MAP4K3: variants seen among roughly 807,000 people sequenced by gnomAD.
MAP4K3 encodes the protein MAPK/ERK kinase kinase kinase 3.
MAP4K3 carries 94 observed loss-of-function variants against 143.5 expected under a neutral mutation model. That is an observed-to-expected ratio of 0.65 (90% CI 0.55 to 0.78). The LOEUF is 0.78. Ranked by LOEUF, MAP4K3 falls within the 30% of genes least tolerant of loss-of-function variation. The pLI, the probability that MAP4K3 is intolerant of heterozygous loss-of-function variation, is 0.00. For synonymous variants in MAP4K3, 416 were observed against 347.2 expected, an observed-to-expected ratio of 1.20 and a Z score of -2.20; for missense variants, 1,077 against 1,068.1, an observed-to-expected ratio of 1.01 and a Z score of -0.12.
intron 8 of MAP4K3, among the ~76,000 whole-genome samples, chr2:39,326,740 AGGT>A (rs1260178674): frequency 1.3e-5 from 2 of 151,996 alleles, no homozygotes; most frequent in African/African-American, 4.8e-5. Flanking sequence ...GCCTCGTAGG[AGGT>A]GATTGGATCA....
chr2:39,280,336 T>C lies in MAP4K3; in HGVS notation c.1650A>G (p.Lys550=). 6.2e-7 allele frequency: 1 copy of C among 1,604,782 alleles called. No individual in the cohort carries two copies. The highest frequency in any genetic ancestry group is 8.5e-7 in the Non-Finnish European group (1 of 1,174,338). The part of the protein sequence containing the change: ...PKVHMGACFS[K]VFNGCPLKIH... ...TTTTCAAGGGACACCCATTAAAAAC[T>C]TTTGAAAAACATGCACCCATCTAGG... Residue 550 remains lysine, a synonymous_variant, in exon 23 of 34, where the codon AAA becomes AAG. Transcript: ENST00000263881.
chr2:39,275,741 T>C (rs1681222126), intron 24 of MAP4K3, among the ~76,000 whole-genome samples: 2 of 152,232 alleles, frequency 1.3e-5, no homozygotes, highest in Admixed American at 1.3e-4. Context: ...GATTAAAAGA[T>C]TTACAGTATA....
At chr2:39,334,581 G>C (rs1005030024) in intron 6 of MAP4K3, among the ~76,000 whole-genome samples, 1 of 152,166 alleles carries the variant, frequency 6.6e-6, no homozygotes, top group South Asian at 2.1e-4. Context: ...ATTTTAACTT[G>C]ATCTAGTACC....
chr2:39,286,348 T>C (rs1023745400), intron 21 of MAP4K3, among the ~76,000 whole-genome samples: 1 of 152,214 alleles, frequency 6.6e-6, no homozygotes, highest in Non-Finnish European at 1.5e-5. Flanking sequence ...TCCTGCTGTG[T>C]GGCCTGGTTC....
chr2:39,333,610 T>C (rs763090634), intron 6 of MAP4K3, 36 bp from the exon 7 acceptor site: 13 of 1,251,974 alleles, frequency 1.0e-5, no homozygotes, highest in Middle Eastern at 1.9e-4. Context: ...GAGTAGGAAA[T>C]AGATATTTTA....
At chr2:39,337,651 A>G in intron 4 of MAP4K3, 70 bp from the exon 5 acceptor site, 1 of 1,071,514 alleles carries the variant, frequency 9.3e-7, no homozygotes, top group South Asian at 1.4e-5. Flanking sequence ...ATAAAGTTTT[A>G]CAAGTTTAAG....
chr2:39,317,345 G>C (rs961812667), intron 12 of MAP4K3, among the ~76,000 whole-genome samples: 1 of 152,052 alleles, frequency 6.6e-6, no homozygotes, highest in African/African-American at 2.4e-5. Context: ...TCCAGACATA[G>C]ACATAAGCAA....
chr2:39,435,291 C>T (rs996657090), intron 1 of MAP4K3, among the ~76,000 whole-genome samples: 6 of 152,284 alleles, frequency 3.9e-5, no homozygotes, highest in Admixed American at 2.0e-4. Context: ...CACTCCTCTG[C>T]TTAAAAGCCT....
At chr2:39,337,764 T>TG (rs1439008432) in intron 4 of MAP4K3, among the ~76,000 whole-genome samples, 183 bp from the exon 5 acceptor site, 1 of 134,536 alleles carries the variant, frequency 7.4e-6, no homozygotes, top group Non-Finnish European at 1.6e-5. Context: ...TTTTTTTTTT[T>TG]TTTTTTTTTT....
chr2:39,326,243 C>A lies in MAP4K3; in HGVS notation c.565G>T (p.Gly189Trp), dbSNP rs1168972293. 2 of 1,613,778 alleles carry A rather than the reference C, an allele frequency of 1.2e-6. No homozygotes were observed. The highest frequency in any genetic ancestry group is 1.1e-5 in the South Asian group (1 of 91,060). ...APEVAAVERK[G>W]GYNQLCDLWA... ...AGATCACAGAGTTGATTGTAACCCC[C>A]CTTCCTCTCAACAGCTGCAACTTCT... The change falls in exon 9 of 34, where the codon GGG (glycine) becomes TGG (tryptophan). Residue 189 changes from glycine (G) to tryptophan (W), a missense_variant. Physicochemically the swap from Gly to Trp is radical, Grantham distance 184 (BLOSUM62 -2). Around this residue, in one of 2 missense-constraint regions of MAP4K3, gnomAD observed 213 missense variants for 266.8 expected, o/e 0.80. Transcript: ENST00000263881.
chr2:39,408,343 T>C (rs573081948), intron 1 of MAP4K3, among the ~76,000 whole-genome samples: 1 of 151,980 alleles, frequency 6.6e-6, no homozygotes, highest in Admixed American at 6.6e-5. Context: ...GCACAATATC[T>C]CTAATTCAGC....
intron 28 of MAP4K3, among the ~76,000 whole-genome samples, chr2:39,263,649 A>G (rs754978462): frequency 6.6e-6 from 1 of 152,146 alleles, no homozygotes; most frequent in Non-Finnish European, 1.5e-5. Context: ...GCAGGCAAAC[A>G]TTATAGCTCA....
intron 1 of MAP4K3, among the ~76,000 whole-genome samples, chr2:39,384,654 C>T (rs1266172201): frequency 6.6e-6 from 1 of 152,220 alleles, no homozygotes; most frequent in Non-Finnish European, 1.5e-5. Context: ...TAGCCCCATA[C>T]CACATGTGCC....
intron 1 of MAP4K3, among the ~76,000 whole-genome samples, chr2:39,417,331 G>A (rs767064029): frequency 6.1e-4 from 92 of 151,238 alleles, no homozygotes; most frequent in South Asian, 1.0e-3. Flanking sequence ...GCCATTCTCC[G>A]GCCTCAGCCT....
chr2:39,369,933 G>A (rs1666035706), intron 2 of MAP4K3, among the ~76,000 whole-genome samples: 1 of 152,152 alleles, frequency 6.6e-6, no homozygotes, highest in East Asian at 1.9e-4. Context: ...CACACACTCT[G>A]CTCAATGGGT....
rs572198527 is a variant in MAP4K3 at position 39,255,013 on chromosome 2, G to A, written c.2471-493C>T. ...CTTTAAATAAAAACAAATACAGCTG[G>A]CATCCCCTATGTACCCTGCCCTATT... On this transcript the variant is annotated intron_variant, in intron 31 of 33. Transcript: ENST00000263881. 1.8e-4 allele frequency among the ~76,000 whole-genome samples: 28 copies of A among 152,118 alleles called. No individual in the cohort carries two copies. In the South Asian group the frequency reaches 4.6e-3, roughly 25 times the overall value.
chr2:39,398,981 C>A (rs1226352038), intron 1 of MAP4K3, among the ~76,000 whole-genome samples: 1 of 148,368 alleles, frequency 6.7e-6, no homozygotes, highest in African/African-American at 2.5e-5. Flanking sequence ...GAGGTGGAAG[C>A]TGCAGTGAGC....
At chr2:39,382,156 C>G (rs548787882) in intron 1 of MAP4K3, among the ~76,000 whole-genome samples, 2 of 152,320 alleles carry the variant, frequency 1.3e-5, no homozygotes, top group East Asian at 3.9e-4. Flanking sequence ...GAGATGATTT[C>G]ACGCAGATTG....
intron 1 of MAP4K3, among the ~76,000 whole-genome samples, chr2:39,390,196 A>G (rs1348611543): frequency 6.6e-6 from 1 of 152,170 alleles, no homozygotes; most frequent in African/African-American, 2.4e-5. Context: ...ACTGGGGATG[A>G]TAATAGTATT....
Sources: gnomAD v4.1 joint callset for allele counts (sites outside exome capture counted in the v4.1 genomes callset) on GRCh38, gnomAD v4.1.1 for gene constraint, gnomAD v4.1.1 regional missense constraint, MANE v1.5 for transcripts, NCBI Gene and HGNC (gene_info 2026-07-23, HGNC 2026-07-21) for gene names.